Variants in ZNF799 observed in about 807,000 individuals in gnomAD.
The protein encoded by ZNF799 is zinc finger protein 799.
In ZNF799, 28 loss-of-function variants were observed where a neutral mutation model predicts 41.0. The ratio of observed to expected loss-of-function variants is 0.68; its 90% CI spans 0.51 to 0.94. The LOEUF is 0.94. Among genes scored for constraint, ZNF799 ranks in the 40% least tolerant of loss-of-function variants. The pLI is 0.00. For missense variants in ZNF799, 716 were observed against 764.3 expected (o/e 0.94, Z 0.74); for synonymous variants, 213 against 252.9 (o/e 0.84, Z 1.50).
In ZNF799 at chr19:12,390,538, C is replaced by A. The variant is rs144753474; in HGVS notation, c.1860G>T (p.Pro620=). 1 of 1,613,672 alleles carries A rather than the reference C, an allele frequency of 6.2e-7. No individual in the cohort carries two copies. Among genetic ancestry groups the A allele is most frequent in the South Asian group, 1.1e-5 (1 of 91,032 alleles). ...CTTTCCCACATTCCTTACATCCATA[C>A]GGGTTCTCTCCAGTGTGAGTTTTTT... ...HWKKTHTGEN[P]YGCKECGKAF... The change falls in exon 4 of 4, where the codon CCG becomes CCT. Residue 620 remains proline, a synonymous_variant. Coordinates refer to ENST00000430385, the MANE Select transcript of ZNF799 (RefSeq NM_001080821.3).
chr19:12,402,622 T>C (rs1970006027), upstream of ZNF799, among the ~76,000 whole-genome samples: 1 of 152,092 alleles, frequency 6.6e-6, no homozygotes, highest in Non-Finnish European at 1.5e-5. Context: ...ACCCAGTTTT[T>C]TTTTAGGGTT....
the ZNF799 span, among the ~76,000 whole-genome samples, chr19:12,410,178 C>T: frequency 1.4e-5 from 2 of 147,628 alleles, no homozygotes; most frequent in East Asian, 2.0e-4. Context: ...TATATATATA[C>T]ATACATACAT....
At chr19:12,393,450 G>A (rs1969855594) in intron 1 of ZNF799, 27 bp from the exon 2 acceptor site, 2 of 1,272,900 alleles carry the variant, frequency 1.6e-6, no homozygotes, top group Non-Finnish European at 2.1e-6. Flanking sequence ...GTACAGAGGA[G>A]GAAGGGTGAA....
At chr19:12,394,100 TGA>T (rs1969862974) in intron 1 of ZNF799, 1 of 152,664 alleles carries the variant, frequency 6.6e-6, no homozygotes, top group Admixed American at 6.5e-5. Context: ...GTTTAAGAGG[TGA>T]TGTAGTCCTA....
the ZNF799 span, among the ~76,000 whole-genome samples, chr19:12,407,820 T>C: frequency 6.6e-6 from 1 of 152,206 alleles, no homozygotes; most frequent in Non-Finnish European, 1.5e-5. Flanking sequence ...GTCCATTCAT[T>C]GTGAATGGAA....
the ZNF799 span, among the ~76,000 whole-genome samples, chr19:12,411,618 G>GTT: frequency 3.6e-4 from 55 of 151,176 alleles, no homozygotes; most frequent in African/African-American, 7.5e-4. Context: ...TTTCGTTTTT[G>GTT]TTTTTTTTGA....
chr19:12,410,253 GCATATATATATATATATATATATATA>G, the ZNF799 span, among the ~76,000 whole-genome samples: 2 of 56,978 alleles, frequency 3.5e-5, no homozygotes, highest in Non-Finnish European at 3.4e-5. Flanking sequence ...ATGTCTGTGT[GCATATATATATATATATATATATATA>G]TATATATATA....
intron 3 of ZNF799, 139 bp downstream of exon 3, chr19:12,392,464 G>T: frequency 7.4e-6 from 6 of 811,322 alleles, no homozygotes; most frequent in Non-Finnish European, 1.2e-5. Flanking sequence ...GAACATTTAA[G>T]TATATATTTT....
At chr19:12,396,115 G>A (rs1466788739) in intron 1 of ZNF799, among the ~76,000 whole-genome samples, 2 of 147,974 alleles carry the variant, frequency 1.4e-5, no homozygotes, top group Non-Finnish European at 3.0e-5. Flanking sequence ...TTATAACATT[G>A]AGATGTCTAC....
the ZNF799 span, among the ~76,000 whole-genome samples, chr19:12,411,435 C>CA: frequency 6.6e-6 from 1 of 152,048 alleles, no homozygotes; most frequent in African/African-American, 2.4e-5. Flanking sequence ...TATTAGCAGG[C>CA]AACGATATAA....
chr19:12,393,206 C>T (rs1219063125), intron 2 of ZNF799, 91 bp downstream of exon 2: 1 of 764,006 alleles, frequency 1.3e-6, no homozygotes, highest in African/African-American at 1.9e-5. Flanking sequence ...CAACCATATC[C>T]CCTTTCCATA....
upstream of ZNF799, chr19:12,401,283 A>G: frequency 7.4e-7 from 1 of 1,351,640 alleles, no homozygotes; most frequent in Non-Finnish European, 9.8e-7. Context: ...GTTCCCACGA[A>G]CCCGCCCCAC....
At chr19:12,412,515 C>T in the ZNF799 span, among the ~76,000 whole-genome samples, 1 of 147,180 alleles carries the variant, frequency 6.8e-6, no homozygotes, top group African/African-American at 2.5e-5. Flanking sequence ...CTGCGGCTGT[C>T]TTGGTAGAAA....
At position 12,391,316 on chromosome 19, in the gene ZNF799, C is replaced by G. The variant is rs763564354; in HGVS notation, c.1082G>C (p.Gly361Ala). 1 of 1,614,132 alleles carries G rather than the reference C, an allele frequency of 6.2e-7. No homozygotes were observed. Among genetic ancestry groups the G allele is most frequent in the Non-Finnish European group, 8.5e-7 (1 of 1,180,004 alleles). ...SLKSHERTHT[G>A]EKLYECKQCG... ...CTGCTTGCATTCATAGAGTTTCTCT[C>G]CAGTGTGAGTTCTTTCATGACTTTT... Residue 361 changes from glycine (G) to alanine (A), a missense_variant, in exon 4 of 4, where the codon GGA becomes GCA. Physicochemically the swap from Gly to Ala is moderately conservative, Grantham distance 60. Coordinates refer to ENST00000430385, the MANE Select transcript of ZNF799 (RefSeq NM_001080821.3).
At chr19:12,414,745 G>T in the ZNF799 span, among the ~76,000 whole-genome samples, 1 of 152,188 alleles carries the variant, frequency 6.6e-6, no homozygotes, top group Admixed American at 6.5e-5. Flanking sequence ...ACATGAACTA[G>T]CTCAAAGCAG....
rs1021480911 is a variant in ZNF799 at position 12,401,227 on chromosome 19, G to T, written c.-157C>A. 26 of 1,481,078 alleles carry T rather than the reference G, an allele frequency of 1.8e-5. No homozygotes were observed. The highest frequency in any genetic ancestry group is 2.3e-5 in the Admixed American group (1 of 44,048). 91.7% of individuals were successfully genotyped at this position (1,481,078 alleles called of 1,614,324 possible). ...GCAGGTGGGTGGAGAAGACGCCGCG[G>T]GCTTTTTCAACCACACACTCCTCTG... On this transcript the variant is annotated 5_prime_UTR_variant, in exon 1 of 4. Coordinates refer to ENST00000430385, the MANE Select transcript of ZNF799 (RefSeq NM_001080821.3).
chr19:12,391,303 A>G lies in ZNF799; in HGVS notation c.1095T>C (p.Tyr365=), dbSNP rs1413339717. The change falls in exon 4 of 4, where the codon TAT becomes TAC. Residue 365 remains tyrosine, a synonymous_variant. Transcript: ENST00000430385. The stretch of plus-strand genomic sequence containing the variant: ...ACGCTTTCCCACACTGCTTGCATTC[A>G]TAGAGTTTCTCTCCAGTGTGAGTTC... The part of the protein sequence containing the change: ...HERTHTGEKL[Y]ECKQCGKALS... 3.7e-6 allele frequency: 6 copies of G among 1,614,074 alleles called. No individual in the cohort carries two copies. Among genetic ancestry groups the G allele is most frequent in the East Asian group, 2.2e-5 (1 of 44,898 alleles).
chr19:12,407,248 G>C, the ZNF799 span, among the ~76,000 whole-genome samples: 3 of 151,880 alleles, frequency 2.0e-5, no homozygotes, highest in Non-Finnish European at 2.9e-5. Context: ...AGGATTGCTG[G>C]AGCCCAGGAG....
In ZNF799 at chr19:12,391,968, T is replaced by C. The variant is rs1969829336; in HGVS notation, c.430A>G (p.Lys144Glu). 1 of 1,614,110 alleles carries C rather than the reference T, an allele frequency of 6.2e-7. No homozygotes were observed. The highest frequency in any genetic ancestry group is 1.3e-5 in the African/African-American group (1 of 74,952). Reference sequence around the variant, plus strand: ...TAACTGAAGGCTTTCCCACGTTGTTTATGCGTATCTGGCTTCTCTCCACAT... The same window carrying C: ...TAACTGAAGGCTTTCCCACGTTGTTCATGCGTATCTGGCTTCTCTCCACAT... ...HECGEKPDTHKQRGKAFSYHN... is the reference protein window; with the variant it reads ...HECGEKPDTHEQRGKAFSYHN... The change falls in exon 4 of 4, where the codon AAA (lysine) becomes GAA (glutamate). Residue 144 changes from lysine (K) to glutamate (E), a missense_variant. By Grantham distance (56) the Lys-to-Glu change is moderately conservative. Transcript: ENST00000430385.
Sources: allele counts gnomAD v4.1 joint callset (sites outside exome capture counted in the v4.1 genomes callset), GRCh38; gene constraint gnomAD v4.1.1; transcripts MANE v1.5; gene names NCBI Gene and HGNC (gene_info 2026-07-23, HGNC 2026-07-21).